The following CTNNA3 variants were observed in gnomAD, a reference collection of about 807,000 sequenced individuals.
CTNNA3 encodes the protein catenin alpha 3.
Under a neutral mutation model 95.7 loss-of-function variants are expected in CTNNA3, and 76 were observed. The ratio of observed to expected loss-of-function variants is 0.79; its 90% CI spans 0.66 to 0.96. The LOEUF (loss-of-function observed/expected upper bound fraction) is 0.96. Among genes scored for constraint, CTNNA3 ranks in the 40% least tolerant of loss-of-function variants. The pLI, the probability that CTNNA3 is intolerant of heterozygous loss-of-function variation, is 0.00. For missense variants in CTNNA3, 1,191 were observed against 1,089.8 expected, an observed-to-expected ratio of 1.09 and a Z score of -1.31; for synonymous variants, 431 against 374.4, an observed-to-expected ratio of 1.15 and a Z score of -1.74.
intron 7 of CTNNA3, among the ~76,000 whole-genome samples, chr10:66,944,513 T>C (rs1848182271): frequency 6.6e-6 from 1 of 152,220 alleles, no homozygotes; most frequent in African/African-American, 2.4e-5. Flanking sequence ...TGTTGATGTT[T>C]TGACTTCCTC....
chr10:66,101,458 G>T (rs1256510045), intron 14 of CTNNA3, among the ~76,000 whole-genome samples: 2 of 152,068 alleles, frequency 1.3e-5, no homozygotes, highest in Non-Finnish European at 2.9e-5. Flanking sequence ...ATAAAACACA[G>T]GTTTTATTTT....
chr10:67,263,424 T>C (rs924814451), intron 5 of CTNNA3, among the ~76,000 whole-genome samples: 1 of 152,222 alleles, frequency 6.6e-6, no homozygotes. Context: ...ATTTGTGGCA[T>C]GAAGAATTGT....
intron 7 of CTNNA3, among the ~76,000 whole-genome samples, chr10:66,875,411 T>C (rs1207756972): frequency 1.5e-5 from 2 of 130,930 alleles, no homozygotes; most frequent in Admixed American, 7.8e-5. Context: ...AAAAAAAAAA[T>C]AGAAGAAAGT....
intron 6 of CTNNA3, among the ~76,000 whole-genome samples, chr10:67,218,001 C>G (rs1013584125): frequency 3.3e-5 from 5 of 152,160 alleles, no homozygotes. Context: ...AAATTACCTT[C>G]AGGCTATGTG....
rs552375846 is a variant in CTNNA3, at chr10:66,407,348, C to T, written c.1532-27996G>A. Reference sequence around the variant, plus strand: ...CTTTGCCACTCCACTTTTAAAGCAGCCTATGTGAATATCAAGTGGATGGGC... The same window carrying T: ...CTTTGCCACTCCACTTTTAAAGCAGTCTATGTGAATATCAAGTGGATGGGC... On this transcript the variant is annotated intron_variant, in intron 11 of 17. Coordinates refer to ENST00000433211, the MANE Select transcript of CTNNA3 (RefSeq NM_013266.4). Among the ~76,000 whole-genome samples the T allele has an allele frequency of 1.9e-4, 28 of 150,256 alleles. No individual in the cohort carries two copies. The South Asian group carries it at 5.8e-3, about 31-fold the overall frequency.
At chr10:67,043,063 A>G (rs1271097895) in intron 7 of CTNNA3, among the ~76,000 whole-genome samples, 1 of 152,090 alleles carries the variant, frequency 6.6e-6, no homozygotes, top group African/African-American at 2.4e-5. Context: ...GTCAGGAAAT[A>G]CAGATATAAA....
chr10:66,655,693 C>T (rs1183630653), intron 9 of CTNNA3, among the ~76,000 whole-genome samples: 2 of 151,970 alleles, frequency 1.3e-5, no homozygotes, highest in East Asian at 3.9e-4. Context: ...GAAGGAATGG[C>T]AGGATTTTAG....
intron 9 of CTNNA3, among the ~76,000 whole-genome samples, chr10:66,665,437 AATG>A (rs1260758943): frequency 6.6e-6 from 1 of 152,192 alleles, no homozygotes; most frequent in African/African-American, 2.4e-5. Flanking sequence ...TAATTTCAAT[AATG>A]ATTCCTGCAA....
intron 9 of CTNNA3, among the ~76,000 whole-genome samples, chr10:66,713,892 G>A (rs1848371795): frequency 6.6e-6 from 1 of 152,018 alleles, no homozygotes; most frequent in African/African-American, 2.4e-5. Flanking sequence ...CAAACATTAA[G>A]GGTGAACATG....
At chr10:65,951,854 C>T (rs1243109032) in intron 17 of CTNNA3, among the ~76,000 whole-genome samples, 1 of 151,978 alleles carries the variant, frequency 6.6e-6, no homozygotes, top group African/African-American at 2.4e-5. Context: ...ACGGTGAAAC[C>T]CCGTCTCTAC....
intron 13 of CTNNA3, among the ~76,000 whole-genome samples, chr10:66,115,608 T>TAGAGAC (rs2082311692): frequency 6.6e-6 from 1 of 150,842 alleles, no homozygotes; most frequent in Non-Finnish European, 1.5e-5. Flanking sequence ...GAGATAGAGA[T>TAGAGAC]AGAGATAGAG....
chr10:66,652,119 A>AT (rs1845930984), intron 9 of CTNNA3, among the ~76,000 whole-genome samples: 1 of 138,036 alleles, frequency 7.2e-6, no homozygotes, highest in South Asian at 2.4e-4. Flanking sequence ...AAAAAAAAAA[A>AT]CTAAGCCCAA....
Position 67,289,194 on chromosome 10 carries a change from G to C in CTNNA3, c.580-69324C>G, listed in dbSNP as rs117733063. On this transcript the variant is annotated intron_variant, in intron 5 of 17. Transcript: ENST00000433211. ...CACTGGATCATTGTGCATGCCTTCT[G>C]GGTATTCAACTTTGGAGAGTACTGT... Among the ~76,000 whole-genome samples the C allele has an allele frequency of 7.9e-3, 1,207 of 152,142 alleles. 42 individuals carry two copies. In the South Asian group the frequency reaches 0.098, roughly 12 times the overall value.
chr10:66,123,890 G>C (rs1266063584), intron 13 of CTNNA3, among the ~76,000 whole-genome samples: 4 of 152,174 alleles, frequency 2.6e-5, no homozygotes, highest in Non-Finnish European at 4.4e-5. Context: ...CAGGGACCCT[G>C]GGCCTGGCCC....
At chr10:66,407,809 G>T (rs559266873) in intron 11 of CTNNA3, among the ~76,000 whole-genome samples, 3 of 152,250 alleles carry the variant, frequency 2.0e-5, no homozygotes, top group Admixed American at 6.5e-5. Context: ...TCGATCTCCT[G>T]ACCTTGCGAT....
chr10:66,118,656 A>G (rs1239698029), intron 13 of CTNNA3, among the ~76,000 whole-genome samples: 1 of 152,164 alleles, frequency 6.6e-6, no homozygotes, highest in Admixed American at 6.5e-5. Context: ...TTCTCCCTGC[A>G]GATCTCATCC....
intron 4 of CTNNA3, among the ~76,000 whole-genome samples, chr10:67,522,731 T>C (rs1165593178): frequency 1.3e-5 from 2 of 151,808 alleles, no homozygotes; most frequent in Admixed American, 6.6e-5. Context: ...TACTGTCTGC[T>C]ACTAATAATT....
At chr10:66,627,854 A>G (rs1263666017) in intron 9 of CTNNA3, among the ~76,000 whole-genome samples, 1 of 152,186 alleles carries the variant, frequency 6.6e-6, no homozygotes, top group African/African-American at 2.4e-5. Context: ...AAAATAATTT[A>G]TCATTTTTGA....
intron 9 of CTNNA3, among the ~76,000 whole-genome samples, chr10:66,704,415 T>C (rs1483290452): frequency 6.6e-6 from 1 of 152,178 alleles, no homozygotes; most frequent in Non-Finnish European, 1.5e-5. Context: ...TTTTTAATAA[T>C]CTTTACACCA....
Sources: gnomAD v4.1 joint callset for allele counts (sites outside exome capture counted in the v4.1 genomes callset) on GRCh38, gnomAD v4.1.1 for gene constraint, MANE v1.5 for transcripts, NCBI Gene and HGNC (gene_info 2026-07-23, HGNC 2026-07-21) for gene names.